Variants in KMT2A observed in about 807,000 individuals in gnomAD.
KMT2A encodes the protein lysine methyltransferase 2A, also known as histone-lysine N-methyltransferase 2A.
In KMT2A, 16 loss-of-function variants were observed where a neutral mutation model predicts 345.3. The ratio of observed to expected loss-of-function variants is 0.05; its 90% CI spans 0.03 to 0.07. The LOEUF (loss-of-function observed/expected upper bound fraction) is 0.07, where lower values mean the gene tolerates loss of function less well. Among genes scored for constraint, KMT2A ranks in the 10% least tolerant of loss-of-function variants. The pLI, the probability that KMT2A is intolerant of heterozygous loss-of-function variation, is 1.00. For synonymous variants in KMT2A, 1,599 were observed against 1,778.6 expected, an observed-to-expected ratio of 0.90 and a Z score of 2.54; for missense variants, 3,272 against 4,841.6, an observed-to-expected ratio of 0.68 and a Z score of 9.62.
At chr11:118,485,719 A>T (rs964029375) in intron 10 of KMT2A, among the ~76,000 whole-genome samples, 1 of 152,218 alleles carries the variant, frequency 6.6e-6, no homozygotes, top group African/African-American at 2.4e-5. Flanking sequence ...TCATTTCAAT[A>T]TTGCTCATAA....
rs1555053792 is a variant in KMT2A at position 118,522,179 on chromosome 11, T to A, written c.*7T>A. On this transcript the variant is annotated 3_prime_UTR_variant, in exon 36 of 36. Coordinates refer to ENST00000534358, the MANE Select transcript of KMT2A (RefSeq NM_001197104.2). This position sits in a 1 kb window ranked among gnomAD's most constrained non-coding sequence, Gnocchi z 5.4. ...CCGGAAGTTCCTAAACTAAAGCTGCTCTTCTCCCCCAGTGTTGGAGTGCAA... is the reference window on the plus strand; with the variant it reads ...CCGGAAGTTCCTAAACTAAAGCTGCACTTCTCCCCCAGTGTTGGAGTGCAA... 5 of 1,613,216 alleles carry A rather than the reference T, an allele frequency of 3.1e-6. No individual in the cohort carries two copies. The Admixed American group carries it at 8.3e-5, about 27-fold the overall frequency.
chr11:118,498,347 C>G lies in KMT2A; in HGVS notation c.5803-23C>G. 2 of 1,601,656 alleles carry G rather than the reference C, an allele frequency of 1.2e-6. No homozygotes were observed. The highest frequency in any genetic ancestry group is 2.7e-5 in the African/African-American group (2 of 74,244). On this transcript the variant is annotated intron_variant, in intron 21 of 35. Coordinates refer to ENST00000534358, the MANE Select transcript of KMT2A (RefSeq NM_001197104.2). This position sits in a 1 kb window ranked among gnomAD's most constrained non-coding sequence, Gnocchi z 4.4. ...AAAACATATGAAAGTCTGAATAGGA[C>G]TCTGTTCTTTTTGGATTTTTAGAGA... is the stretch of plus-strand genomic sequence containing the variant.
At chr11:118,454,894 C>T (rs146065015) in intron 1 of KMT2A, among the ~76,000 whole-genome samples, 6 of 151,312 alleles carry the variant, frequency 4.0e-5, no homozygotes, top group Admixed American at 6.6e-5. Context: ...GGGCCAAATT[C>T]GGCCTGTGGC....
rs1950931062 is a variant in KMT2A at position 118,520,316 on chromosome 11, C to T, written c.11429+252C>T. ...GTATACTCTGTCAGCTTTGGTTGTA[C>T]CACCATAGTTGTCATGGTCAGAAAG... On this transcript the variant is annotated intron_variant, in intron 33 of 35. Transcript: ENST00000534358. The surrounding 1 kb of genome is among the most constrained non-coding windows in gnomAD (Gnocchi z 4.3). 2.1e-6 allele frequency: 1 copy of T among 481,398 alleles called. No homozygotes were observed. The highest frequency in any genetic ancestry group is 3.7e-6 in the Non-Finnish European group (1 of 271,812). The allele number at this position is 481,398 out of a possible 1,614,324, so 29.8% of individuals were successfully genotyped here.
In KMT2A at chr11:118,484,250, A is replaced by T; in HGVS notation, c.4154A>T (p.Asn1385Ile). 1 of 1,614,166 alleles carries T rather than the reference A, an allele frequency of 6.2e-7. No individual in the cohort carries two copies. The highest frequency in any genetic ancestry group is 8.5e-7 in the Non-Finnish European group (1 of 1,180,010). Reference protein sequence around the residue: ...GTLNILSTLSNGNSSKQKIPA... With the variant: ...GTLNILSTLSIGNSSKQKIPA... ...TTGAACATCCTCAGCACTCTCTCCA[A>T]TGGCAATAGTTCTAAGCAAAAAATT... Residue 1385 changes from asparagine to isoleucine, a missense_variant, in exon 9 of 36, where the codon AAT becomes ATT. Physicochemically the swap from Asn to Ile is moderately radical, Grantham distance 149. This residue lies in a region of KMT2A where 168 missense variants were observed against 216.0 expected (regional missense o/e 0.78). Transcript: ENST00000534358. The surrounding 1 kb of genome is among the most constrained non-coding windows in gnomAD (Gnocchi z 4.1).
Position 118,498,175 on chromosome 11 carries a change from A to T in KMT2A, c.5802+102A>T, listed in dbSNP as rs1664559797. On this transcript the variant is annotated intron_variant, in intron 21 of 35. Coordinates refer to ENST00000534358, the MANE Select transcript of KMT2A (RefSeq NM_001197104.2). This position sits in a 1 kb window ranked among gnomAD's most constrained non-coding sequence, Gnocchi z 4.4. ...CCTCCCTGATATTTTTCACAGTGCC[A>T]TCAGGGTAGTTAGCCAACAAGTATT... 2 of 1,341,722 alleles carry T rather than the reference A, an allele frequency of 1.5e-6. No homozygotes were observed. Among genetic ancestry groups the T allele is most frequent in the Non-Finnish European group, 2.1e-6 (2 of 959,078 alleles). The allele number at this position is 1,341,722 out of a possible 1,614,324, so 83.1% of individuals were successfully genotyped here. A position where few individuals can be genotyped will look rare whatever the true frequency, so the allele number is the denominator to read the frequency against.
In KMT2A at chr11:118,504,364, G is replaced by A. The variant is rs372208886; in HGVS notation, c.8472G>A (p.Leu2824=). The A allele has an allele frequency of 1.5e-5, 25 of 1,614,124 alleles. No individual in the cohort carries two copies. The highest frequency in any genetic ancestry group is 2.1e-5 in the Non-Finnish European group (25 of 1,180,008). The stretch of plus-strand genomic sequence containing the variant: ...GTACCCCCTCCGACAAAAATTTACT[G>A]GACACCTATAATACTGAGCTCCTGA... ...HTSTPSDKNL[L]DTYNTELLKS... Residue 2824 remains leucine, a synonymous_variant, in exon 27 of 36, where the codon CTG becomes CTA. Transcript: ENST00000534358. This position sits in a 1 kb window ranked among gnomAD's most constrained non-coding sequence, Gnocchi z 6.4.
chr11:118,496,503 TACCTATA>T lies in KMT2A; in HGVS notation c.5664+139_5664+145del. On this transcript the variant is annotated intron_variant, in intron 20 of 35. Transcript: ENST00000534358. The surrounding 1 kb of genome is among the most constrained non-coding windows in gnomAD (Gnocchi z 4.7). ...AACTTACTAATTTATAACTTTTATT[TACCTATA>T]ACTTATAACTTATTAATTTGTAACT... 1 of 548,224 alleles carries T rather than the reference TACCTATA, an allele frequency of 1.8e-6. No individual in the cohort carries two copies. The highest frequency in any genetic ancestry group is 3.2e-6 in the Non-Finnish European group (1 of 309,436). 34.0% of individuals were successfully genotyped at this position (548,224 alleles called of 1,614,324 possible). A position where few individuals can be genotyped will look rare whatever the true frequency, so the allele number is the denominator to read the frequency against.
chr11:118,509,910 T>C (rs782622722), intron 29 of KMT2A, 38 bp from the exon 30 acceptor site: 7 of 1,516,174 alleles, frequency 4.6e-6, no homozygotes, highest in Non-Finnish European at 6.3e-6. Context: ...TCAGTGAGCA[T>C]TTGTTACTGC....
intron 1 of KMT2A, among the ~76,000 whole-genome samples, chr11:118,465,047 C>T (rs1555033789): frequency 2.6e-5 from 4 of 152,184 alleles, no homozygotes. Flanking sequence ...CATGAGAAGT[C>T]ATTCAGTATC....
In KMT2A at chr11:118,526,777, CTTT is replaced by C. The variant is rs1176366797; in HGVS notation, c.*4611_*4613del. 8.9e-6 allele frequency: 2 copies of C among 224,930 alleles called. No individual in the cohort carries two copies. 13.9% of individuals were successfully genotyped at this position (224,930 alleles called of 1,614,324 possible). A position where few individuals can be genotyped will look rare whatever the true frequency, so the allele number is the denominator to read the frequency against. ...TTTAAACATGTTTATTTTCTATGCA[CTTT>C]TTTTTATTTAAGTGATAGTTTAATT... On this transcript the variant is annotated 3_prime_UTR_variant, in exon 36 of 36. Transcript: ENST00000534358.
Position 118,521,231 on chromosome 11 carries a change from C to T in KMT2A, c.11514-57C>T, listed in dbSNP as rs1413575013. On this transcript the variant is annotated intron_variant, in intron 34 of 35. Transcript: ENST00000534358. The surrounding 1 kb of genome is among the most constrained non-coding windows in gnomAD (Gnocchi z 5.3). ...CCAGGAGAACTTATTCATGTATTCACGCACTTAACCTTACTTGCAAAATTT... is the reference window on the plus strand; with the variant it reads ...CCAGGAGAACTTATTCATGTATTCATGCACTTAACCTTACTTGCAAAATTT... The T allele has an allele frequency of 1.3e-5, 20 of 1,577,184 alleles. 1 individual carries two copies. The highest frequency in any genetic ancestry group is 3.9e-4 in the Middle Eastern group (2 of 5,144).
At chr11:118,508,862 C>T (rs1416734048) in intron 28 of KMT2A, among the ~76,000 whole-genome samples, 4 of 151,712 alleles carry the variant, frequency 2.6e-5, no homozygotes, top group Admixed American at 2.6e-4. Context: ...TTTTCTAATA[C>T]TGAGTATGAG....
intron 32 of KMT2A, 33 bp from the exon 33 acceptor site, chr11:118,519,924 T>G (rs1950920702): frequency 6.3e-7 from 1 of 1,578,740 alleles, no homozygotes; most frequent in Non-Finnish European, 8.7e-7. Flanking sequence ...ATTAAAGCAT[T>G]TCTCTAAATA....
intron 1 of KMT2A, among the ~76,000 whole-genome samples, chr11:118,437,297 C>T (rs1949209700): frequency 6.6e-6 from 1 of 152,120 alleles, no homozygotes; most frequent in African/African-American, 2.4e-5. Context: ...TCCCTCCCTC[C>T]CTCCTAGAGA....
chr11:118,518,813 C>T (rs1459947038), intron 31 of KMT2A, among the ~76,000 whole-genome samples: 1 of 143,466 alleles, frequency 7.0e-6, no homozygotes, highest in Non-Finnish European at 1.5e-5. Flanking sequence ...CGCGGTGGCT[C>T]ACACCTGTAA....
Position 118,504,780 on chromosome 11 carries a change from T to G in KMT2A, c.8888T>G (p.Val2963Gly), listed in dbSNP as rs781970936. ...ATCTCAGACTCAGGGGAGAAGAGAG[T>G]AACCATCACAGAAAAATCTGTAGCC... ...AVISDSGEKR[V>G]TITEKSVASS... Residue 2963 changes from valine to glycine, a missense_variant, in exon 27 of 36, where the codon GTA becomes GGA. This residue lies in a region of KMT2A where 748 missense variants were observed against 922.2 expected (regional missense o/e 0.81). Coordinates refer to ENST00000534358, the MANE Select transcript of KMT2A (RefSeq NM_001197104.2). This position sits in a 1 kb window ranked among gnomAD's most constrained non-coding sequence, Gnocchi z 6.4. 6.2e-7 allele frequency: 1 copy of G among 1,613,624 alleles called. No homozygotes were observed. The highest frequency in any genetic ancestry group is 8.5e-7 in the Non-Finnish European group (1 of 1,179,898).
intron 8 of KMT2A, among the ~76,000 whole-genome samples, chr11:118,482,964 G>A (rs1054250087): frequency 1.3e-5 from 2 of 152,128 alleles, no homozygotes; most frequent in Admixed American, 1.3e-4. Context: ...AAGGCGCAGC[G>A]GCTCACGCCT....
Position 118,510,843 on chromosome 11 carries a change from A to G in KMT2A, c.11071+725A>G, listed in dbSNP as rs965615537. ...AGGGTTATCAAAAACCCATGAAGATAAATAGAAGATTCTATTAAAGGAGAA... is the reference window on the plus strand; with the variant it reads ...AGGGTTATCAAAAACCCATGAAGATGAATAGAAGATTCTATTAAAGGAGAA... On this transcript the variant is annotated intron_variant, in intron 30 of 35. Coordinates refer to ENST00000534358, the MANE Select transcript of KMT2A (RefSeq NM_001197104.2). This position sits in a 1 kb window ranked among gnomAD's most constrained non-coding sequence, Gnocchi z 4.1. Among the ~76,000 whole-genome samples, 1 of 152,212 alleles carries G rather than the reference A, an allele frequency of 6.6e-6. No homozygotes were observed. Among genetic ancestry groups the G allele is most frequent in the African/African-American group, 2.4e-5 (1 of 41,456 alleles).
Sources: gnomAD v4.1 joint callset for allele counts (sites outside exome capture counted in the v4.1 genomes callset) on GRCh38, gnomAD v4.1.1 for gene constraint, gnomAD v4.1.1 regional missense constraint, Gnocchi (gnomAD v3.1) non-coding constraint, MANE v1.5 for transcripts, NCBI Gene and HGNC (gene_info 2026-07-23, HGNC 2026-07-21) for gene names.